TRIM49C: variants seen among roughly 807,000 people sequenced by gnomAD.
The protein encoded by TRIM49C is tripartite motif containing 49C, also known as tripartite motif-containing protein 49C.
TRIM49C carries 6 observed loss-of-function variants against 21.4 expected under a neutral mutation model. The ratio of observed to expected loss-of-function variants is 0.28; its 90% confidence interval spans 0.15 to 0.55. The LOEUF (loss-of-function observed/expected upper bound fraction) is 0.55, where lower values mean the gene tolerates loss of function less well. TRIM49C is among the 20% of genes least tolerant of loss of function. TRIM49C has a pLI of 0.94. For missense variants in TRIM49C, 161 were observed against 442.4 expected, an observed-to-expected ratio of 0.36 and a Z score of 5.71; for synonymous variants, 57 against 148.1, an observed-to-expected ratio of 0.38 and a Z score of 4.47.
At chr11:90,039,210 T>C (rs521278) in intron 6 of TRIM49C, among the ~76,000 whole-genome samples, 5,694 of 130,774 alleles carry the variant, frequency 0.044, 587 homozygotes, top group Non-Finnish European at 0.056. Flanking sequence ...TGAACCACCG[T>C]GCCCGGCCCC....
At chr11:90,039,216 G>A (rs1183928836) in intron 6 of TRIM49C, among the ~76,000 whole-genome samples, 1 of 132,822 alleles carries the variant, frequency 7.5e-6, no homozygotes, top group African/African-American at 2.8e-5. Flanking sequence ...ACCGTGCCCG[G>A]CCCCTGATTT....
Position 90,037,163 on chromosome 11 carries a change from T to A in TRIM49C, c.508-586T>A, listed in dbSNP as rs112983216. Among the ~76,000 whole-genome samples the A allele has an allele frequency of 8.9e-5, 12 of 135,322 alleles. 2 individuals are homozygous for A. Among genetic ancestry groups the A allele is most frequent in the Non-Finnish European group, 1.8e-4 (11 of 62,596 alleles). The allele number at this position is 135,322 out of a possible 152,430, so 88.8% of individuals were successfully genotyped here. On this transcript the variant is annotated intron_variant, in intron 4 of 7. Coordinates refer to ENST00000448984, the MANE Select transcript of TRIM49C (RefSeq NM_001195234.1). Reference sequence around the variant, plus strand: ...GAGAGAATAGCATATGCAGTAATTTTGAGTTTGTGTATATTTGGAGGCCGG... The same window carrying A: ...GAGAGAATAGCATATGCAGTAATTTAGAGTTTGTGTATATTTGGAGGCCGG...
At position 90,041,383 on chromosome 11, in the gene TRIM49C, A is replaced by C; in HGVS notation, c.1192A>C (p.Met398Leu). The C allele has an allele frequency of 6.3e-6, 10 of 1,587,492 alleles. 1 individual carries two copies. The highest frequency in any genetic ancestry group is 6.9e-6 in the Non-Finnish European group (8 of 1,163,924). The change falls in exon 8 of 8, where the codon ATG becomes CTG. Residue 398 changes from methionine to leucine, a missense_variant. Coordinates refer to ENST00000448984, the MANE Select transcript of TRIM49C (RefSeq NM_001195234.1). ...CAGTCTCTTTACCACCTCCCCACTT[A>C]TGCTGCAATATATCCCAAAACCTAC... ...QCSLFTTSPL[M>L]LQYIPKPTSR... is the part of the protein sequence containing the mutation.
the TRIM49C span, among the ~76,000 whole-genome samples, chr11:90,056,325 C>A: frequency 2.3e-5 from 3 of 128,900 alleles, no homozygotes; most frequent in Non-Finnish European, 3.3e-5. Context: ...AGGTTTATAC[C>A]ACTTTATGCT....
At chr11:90,054,910 G>A in the TRIM49C span, among the ~76,000 whole-genome samples, 1 of 147,100 alleles carries the variant, frequency 6.8e-6, no homozygotes, top group African/African-American at 2.5e-5. Flanking sequence ...TAAATTAAAA[G>A]AATGTCAGGA....
chr11:90,052,190 G>A, the TRIM49C span: 11 of 344,690 alleles, frequency 3.2e-5, 2 homozygotes, highest in South Asian at 4.4e-4. Flanking sequence ...GATTCCTCAC[G>A]GGAGCCCGCC....
the TRIM49C span, chr11:90,071,162 T>A: frequency 3.8e-4 from 187 of 493,476 alleles, 29 homozygotes; most frequent in African/African-American, 3.3e-3. Flanking sequence ...GGAGACATGG[T>A]GGCAAGGTAT....
downstream of TRIM49C, among the ~76,000 whole-genome samples, chr11:90,045,708 G>A (rs1189803260): frequency 2.0e-5 from 2 of 100,334 alleles, no homozygotes; most frequent in African/African-American, 4.1e-5. Context: ...ACATACAATC[G>A]TGTCATCTGC....
At position 90,041,139 on chromosome 11, in the gene TRIM49C, A is replaced by G; in HGVS notation, c.948A>G (p.Gln316=). The part of the protein sequence containing the change: ...LRSMCIGCDH[Q]DVPYFTATPR... ...GCATGTGTATTGGATGTGACCATCA[A>G]GATGTACCCTATTTCACTGCAACAC... Residue 316 remains glutamine (Q), a synonymous_variant, in exon 8 of 8, where the codon CAA becomes CAG. Coordinates refer to ENST00000448984, the MANE Select transcript of TRIM49C (RefSeq NM_001195234.1). 1 of 1,599,614 alleles carries G rather than the reference A, an allele frequency of 6.3e-7. No individual in the cohort carries two copies. Among genetic ancestry groups the G allele is most frequent in the Non-Finnish European group, 8.5e-7 (1 of 1,172,678 alleles).
chr11:90,062,203 C>T, the TRIM49C span: 3 of 448,268 alleles, frequency 6.7e-6, no homozygotes, highest in Non-Finnish European at 1.1e-5. Context: ...GAATATGATT[C>T]TAATAATTTG....
chr11:90,071,749 C>T, the TRIM49C span: 6 of 1,243,942 alleles, frequency 4.8e-6, no homozygotes, highest in African/African-American at 1.5e-5. Flanking sequence ...GAGCTCCCTA[C>T]AGGGCCCATC....
the TRIM49C span, among the ~76,000 whole-genome samples, chr11:90,048,239 T>C: frequency 9.2e-6 from 1 of 108,774 alleles, no homozygotes; most frequent in Non-Finnish European, 1.8e-5. Context: ...ATCTGACAAT[T>C]ATGTGTTTGG....
Position 90,041,556 on chromosome 11 carries a change from G to A in TRIM49C, c.*6G>A. Reference sequence around the variant, plus strand: ...TTTGCTGTATTCACTTCTGACCAGAGACAAATCAGAAATGTGTTCACATGC... The same window carrying A: ...TTTGCTGTATTCACTTCTGACCAGAAACAAATCAGAAATGTGTTCACATGC... On this transcript the variant is annotated 3_prime_UTR_variant, in exon 8 of 8. Coordinates refer to ENST00000448984, the MANE Select transcript of TRIM49C (RefSeq NM_001195234.1). The A allele has an allele frequency of 7.6e-7, 1 of 1,312,866 alleles. No individual in the cohort carries two copies. The highest frequency in any genetic ancestry group is 1.0e-6 in the Non-Finnish European group (1 of 986,368). 81.3% of individuals were successfully genotyped at this position (1,312,866 alleles called of 1,614,324 possible).
chr11:90,064,329 C>G, the TRIM49C span, among the ~76,000 whole-genome samples: 1 of 151,392 alleles, frequency 6.6e-6, no homozygotes, highest in African/African-American at 2.4e-5. Context: ...TCTGAAATAG[C>G]CAATATTTCA....
chr11:90,046,435 T>C (rs373327512), downstream of TRIM49C, among the ~76,000 whole-genome samples: 5,375 of 125,706 alleles, frequency 0.043, 598 homozygotes, highest in Non-Finnish European at 0.055. Flanking sequence ...TGTAGGCTCA[T>C]AATTATTGCC....
chr11:90,059,888 A>G, the TRIM49C span, among the ~76,000 whole-genome samples: 16 of 144,516 alleles, frequency 1.1e-4, 2 homozygotes, highest in African/African-American at 1.6e-4. Flanking sequence ...TCCTTAGGGA[A>G]TCTCTCTCCT....
rs200428988 is a variant in TRIM49C, at chr11:90,035,621, G to A, written c.410G>A (p.Arg137Gln). ...RPIEWAAEEHREKLLQKMQSL... is the reference protein window; with the variant it reads ...RPIEWAAEEHQEKLLQKMQSL... The stretch of plus-strand genomic sequence containing the variant: ...ATTGAGTGGGCTGCTGAGGAACACC[G>A]GGTAAGTGATGGCTCTGAAGATCGA... Residue 137 changes from arginine to glutamine, a missense_variant and splice_region_variant, in exon 3 of 8, where the codon CGG becomes CAG. By Grantham distance (43) the Arg-to-Gln change is conservative. This residue lies in a region of TRIM49C where 80 missense variants were observed against 314.8 expected (regional missense o/e 0.25). Coordinates refer to ENST00000448984, the MANE Select transcript of TRIM49C (RefSeq NM_001195234.1). 1.3e-5 allele frequency: 17 copies of A among 1,329,612 alleles called. No homozygotes were observed. The highest frequency in any genetic ancestry group is 2.7e-5 in the Admixed American group (1 of 37,292). The allele number at this position is 1,329,612 out of a possible 1,614,324, so 82.4% of individuals were successfully genotyped here.
Position 90,041,415 on chromosome 11 carries a change from A to C in TRIM49C, c.1224A>C (p.Arg408=). 6.3e-7 allele frequency: 1 copy of C among 1,579,100 alleles called. No individual in the cohort carries two copies. ...MLQYIPKPTS[R]VGLFLDCEAK... ...AATATATCCCAAAACCTACCAGCCG[A>C]GTAGGATTATTCCTGGATTGTGAGG... is the stretch of plus-strand genomic sequence containing the variant. The change falls in exon 8 of 8, where the codon CGA becomes CGC. Residue 408 remains arginine (R), a synonymous_variant. Coordinates refer to ENST00000448984, the MANE Select transcript of TRIM49C (RefSeq NM_001195234.1).
chr11:90,033,957 C>CA lies in TRIM49C; in HGVS notation c.-4-1240dup, dbSNP rs59914042. 1.5e-3 allele frequency among the ~76,000 whole-genome samples: 172 copies of CA among 116,608 alleles called. 21 individuals are homozygous for CA. The East Asian group carries it at 0.02, about 13-fold the overall frequency. 76.5% of individuals were successfully genotyped at this position (116,608 alleles called of 152,430 possible). ...GGATACTCTGTCTCAAAAAAAAAAA[C>CA]AAAAAAAAAAACTAAAAACACCTGA... On this transcript the variant is annotated intron_variant, in intron 2 of 7. Coordinates refer to ENST00000448984, the MANE Select transcript of TRIM49C (RefSeq NM_001195234.1).
Sources: allele counts gnomAD v4.1 joint callset (sites outside exome capture counted in the v4.1 genomes callset), GRCh38; gene constraint gnomAD v4.1.1; regional missense constraint gnomAD v4.1.1; transcripts MANE v1.5; gene names NCBI Gene and HGNC (gene_info 2026-07-23, HGNC 2026-07-21).